The following CISD1 variants were observed in gnomAD, a reference collection of about 807,000 sequenced individuals.
CISD1 encodes CDGSH iron sulfur domain 1, also known as CDGSH iron-sulfur domain-containing protein 1.
In CISD1, 8 loss-of-function variants were observed where a neutral mutation model predicts 12.0. The ratio of observed to expected loss-of-function variants is 0.67; its 90% CI spans 0.39 to 1.20. The LOEUF is 1.20. CISD1 is among the 50% of genes most tolerant of loss of function. The pLI is 0.01. For missense variants in CISD1, 107 were observed against 132.7 expected (o/e 0.81, Z 0.95); for synonymous variants, 38 against 42.2 (o/e 0.90, Z 0.39).
chr10:58,274,189 T>A (rs1426768946), intron 1 of CISD1, among the ~76,000 whole-genome samples: 1 of 152,192 alleles, frequency 6.6e-6, no homozygotes. Context: ...TTGTTGCTTC[T>A]GAGATTATGA....
intron 2 of CISD1, among the ~76,000 whole-genome samples, chr10:58,277,640 G>A (rs779673986): frequency 6.1e-5 from 9 of 147,768 alleles, no homozygotes; most frequent in Non-Finnish European, 1.3e-4. Flanking sequence ...ATTCTTCTTT[G>A]CCTTCCATAT....
At chr10:58,277,676 A>G (rs1283498437) in intron 2 of CISD1, among the ~76,000 whole-genome samples, 1 of 151,878 alleles carries the variant, frequency 6.6e-6, no homozygotes, top group African/African-American at 2.4e-5. Flanking sequence ...TATTTTCTAA[A>G]ATATCTAACC....
At position 58,287,833 on chromosome 10, in the gene CISD1, A is replaced by C. The variant is rs79650878; in HGVS notation, c.*183A>C. ...CATCGTGGTGCACATTTGTTTAAACAAAAAAAAAAAAAAAAAGGAAAAACC... is the reference window on the plus strand; with the variant it reads ...CATCGTGGTGCACATTTGTTTAAACCAAAAAAAAAAAAAAAAGGAAAAACC... On this transcript the variant is annotated 3_prime_UTR_variant, in exon 3 of 3. Transcript: ENST00000333926. 3.0e-5 allele frequency: 1 copy of C among 33,556 alleles called. No homozygotes were observed. 2.1% of individuals were successfully genotyped at this position (33,556 alleles called of 1,614,324 possible).
At chr10:58,285,224 TATAAG>T (rs537413491) in intron 2 of CISD1, among the ~76,000 whole-genome samples, 1 of 152,226 alleles carries the variant, frequency 6.6e-6, no homozygotes, top group African/African-American at 2.4e-5. Flanking sequence ...TATCTGGAAA[TATAAG>T]ATATGCCAAT....
At position 58,285,932 on chromosome 10, in the gene CISD1, G is replaced by A. The variant is rs972708831; in HGVS notation, c.238-1629G>A. 1.2e-4 allele frequency among the ~76,000 whole-genome samples: 18 copies of A among 152,232 alleles called. 1 individual carries two copies. The highest frequency in any genetic ancestry group is 9.8e-4 in the Admixed American group (15 of 15,296). On this transcript the variant is annotated intron_variant, in intron 2 of 2. Transcript: ENST00000333926. ...GTTTAATAAAGTTAACAGGCTGGGC[G>A]CGGTGGCTCACACCTGTAATCCCAG...
At chr10:58,287,240 ATGAACT>A (rs1839438570) in intron 2 of CISD1, among the ~76,000 whole-genome samples, 1 of 152,204 alleles carries the variant, frequency 6.6e-6, no homozygotes, top group African/African-American at 2.4e-5. Context: ...TTTTAAATAA[ATGAACT>A]TAAACTCTTA....
chr10:58,286,670 A>C (rs561848440), intron 2 of CISD1, among the ~76,000 whole-genome samples: 2 of 152,196 alleles, frequency 1.3e-5, no homozygotes, highest in Non-Finnish European at 1.5e-5. Context: ...TCTGCAAAAC[A>C]CTATGTTAGA....
At chr10:58,278,253 T>A (rs1839337265) in intron 2 of CISD1, among the ~76,000 whole-genome samples, 1 of 151,840 alleles carries the variant, frequency 6.6e-6, no homozygotes, top group Admixed American at 6.5e-5. Context: ...TAAAATGGAT[T>A]TCAGCAGGGC....
intron 1 of CISD1, among the ~76,000 whole-genome samples, chr10:58,275,382 A>C (rs1372901978): frequency 1.3e-5 from 2 of 152,208 alleles, no homozygotes; most frequent in Non-Finnish European, 2.9e-5. Flanking sequence ...GTCATAGCAA[A>C]ATTGTAGACC....
Position 58,287,711 on chromosome 10 carries a change from A to G in CISD1, c.*61A>G. The G allele has an allele frequency of 1.9e-6, 2 of 1,073,044 alleles. No individual in the cohort carries two copies. The highest frequency in any genetic ancestry group is 1.4e-5 in the South Asian group (1 of 70,910). The allele number at this position is 1,073,044 out of a possible 1,614,324, so 66.5% of individuals were successfully genotyped here. ...GAAGTTACCTGATTGTTTAATTAGA[A>G]TGACTACCACCTCTGTCTGATTCAC... On this transcript the variant is annotated 3_prime_UTR_variant, in exon 3 of 3. Coordinates refer to ENST00000333926, the MANE Select transcript of CISD1 (RefSeq NM_018464.5).
At chr10:58,279,233 A>G (rs943993169) in intron 2 of CISD1, among the ~76,000 whole-genome samples, 2 of 152,308 alleles carry the variant, frequency 1.3e-5, no homozygotes, top group Admixed American at 1.3e-4. Flanking sequence ...TGTATAAGGT[A>G]TATATAAAAC....
chr10:58,271,176 A>G (rs2132275705), intron 1 of CISD1, among the ~76,000 whole-genome samples: 1 of 149,378 alleles, frequency 6.7e-6, no homozygotes, highest in South Asian at 2.1e-4. Flanking sequence ...AGTAGCTGGG[A>G]CTACAGGCGC....
chr10:58,270,926 T>G (rs2132275472), intron 1 of CISD1, among the ~76,000 whole-genome samples: 1 of 148,940 alleles, frequency 6.7e-6, no homozygotes, highest in East Asian at 2.0e-4. Flanking sequence ...TGCAGTGTTG[T>G]GATCATAGCT....
chr10:58,283,959 T>G (rs1839400523), intron 2 of CISD1, among the ~76,000 whole-genome samples: 1 of 152,150 alleles, frequency 6.6e-6, no homozygotes, highest in African/African-American at 2.4e-5. Flanking sequence ...ATTCTTTGTG[T>G]TTTTTTCATA....
intron 2 of CISD1, among the ~76,000 whole-genome samples, chr10:58,279,978 G>GT (rs886949798): frequency 1.3e-5 from 2 of 151,986 alleles, no homozygotes; most frequent in African/African-American, 4.8e-5. Context: ...TTTTTTGTTT[G>GT]TTTTTGTTTT....
chr10:58,283,029 A>G (rs757754572), intron 2 of CISD1: 12 of 152,192 alleles, frequency 7.9e-5, no homozygotes, highest in Non-Finnish European at 1.6e-4. Flanking sequence ...CTGAACTGAA[A>G]TTGAAATGAA....
At chr10:58,280,974 G>A (rs1839367410) in intron 2 of CISD1, among the ~76,000 whole-genome samples, 1 of 152,180 alleles carries the variant, frequency 6.6e-6, no homozygotes, top group Non-Finnish European at 1.5e-5. Flanking sequence ...AACGACAGAA[G>A]TCTATGTCAT....
chr10:58,270,198 A>G (rs1056910688), intron 1 of CISD1, among the ~76,000 whole-genome samples: 4 of 152,226 alleles, frequency 2.6e-5, no homozygotes, highest in African/African-American at 4.8e-5. Flanking sequence ...CTGTAGTGCC[A>G]GGTAATAAAA....
At chr10:58,269,376 T>G in intron 1 of CISD1, 72 bp downstream of exon 1, 1 of 1,415,390 alleles carries the variant, frequency 7.1e-7, no homozygotes, top group Admixed American at 1.8e-5. Context: ...TCGACTGGGT[T>G]GTTTTACCAC....
Sources: allele counts gnomAD v4.1 joint callset (sites outside exome capture counted in the v4.1 genomes callset), GRCh38; gene constraint gnomAD v4.1.1; transcripts MANE v1.5; gene names NCBI Gene and HGNC (gene_info 2026-07-23, HGNC 2026-07-21).